ABCA13: variants seen among roughly 807,000 people sequenced by gnomAD.
ABCA13 encodes ATP-binding cassette sub-family A member 13.
ABCA13 carries 476 observed loss-of-function variants against 478.7 expected under a neutral mutation model. That is an observed-to-expected ratio of 0.99 (90% CI 0.92 to 1.07). The LOEUF (loss-of-function observed/expected upper bound fraction) is 1.07. ABCA13 is among the 50% of genes least tolerant of loss of function. The pLI is 0.00. For missense variants in ABCA13, 6,060 were observed against 5,910.6 expected (o/e 1.03, Z -0.83); for synonymous variants, 2,252 against 2,158.9 (o/e 1.04, Z -1.20).
At chr7:48,497,101 C>T (rs1157789772) in intron 48 of ABCA13, among the ~76,000 whole-genome samples, 3 of 151,914 alleles carry the variant, frequency 2.0e-5, no homozygotes, top group Non-Finnish European at 4.4e-5. Flanking sequence ...TCCCAGAGGT[C>T]TCTTTCCTGA....
At chr7:48,441,008 T>G (rs1823513534) in intron 42 of ABCA13, among the ~76,000 whole-genome samples, 1 of 152,188 alleles carries the variant, frequency 6.6e-6, no homozygotes, top group Non-Finnish European at 1.5e-5. Context: ...GTATATTATT[T>G]AAGAATCAAT....
chr7:48,535,676 GC>G (rs1159830533), intron 55 of ABCA13, among the ~76,000 whole-genome samples: 1 of 152,046 alleles, frequency 6.6e-6, no homozygotes, highest in African/African-American at 2.4e-5. Flanking sequence ...CTTTGGTGGG[GC>G]TTGCTGTGGT....
intron 55 of ABCA13, among the ~76,000 whole-genome samples, chr7:48,556,838 A>G (rs1179455085): frequency 6.6e-6 from 1 of 151,746 alleles, no homozygotes; most frequent in East Asian, 1.9e-4. Context: ...TACTCCTGCT[A>G]TGTTATTGTT....
At chr7:48,200,580 T>G (rs1247501825) in intron 3 of ABCA13, among the ~76,000 whole-genome samples, 1 of 152,114 alleles carries the variant, frequency 6.6e-6, no homozygotes, top group Non-Finnish European at 1.5e-5. Context: ...GAACGAAGAA[T>G]GAAATTCCTC....
chr7:48,526,104 T>A lies in ABCA13; in HGVS notation c.14244+1664T>A, dbSNP rs550340211. ...GGACAGATAACTTCTTTAGGGGTAA[T>A]TTTTGTACTGAAAAATATGTAAAAG... On this transcript the variant is annotated intron_variant, in intron 54 of 61. Transcript: ENST00000435803. Among the ~76,000 whole-genome samples the A allele has an allele frequency of 1.2e-4, 19 of 152,210 alleles. 1 individual carries two copies. In the East Asian group the frequency reaches 3.1e-3, roughly 25 times the overall value.
In ABCA13 at chr7:48,245,722, A is replaced by T; in HGVS notation, c.1491+110A>T. 5 of 1,431,896 alleles carry T rather than the reference A, an allele frequency of 3.5e-6. No homozygotes were observed. In the East Asian group the frequency reaches 1.2e-4, roughly 33 times the overall value. The allele number at this position is 1,431,896 out of a possible 1,614,324, so 88.7% of individuals were successfully genotyped here. ...TGAATTGTGCTAGCTAAAAAAGGGA[A>T]CAATATGCAGGTTTTTCAAAACTTT... On this transcript the variant is annotated intron_variant, in intron 12 of 61. Coordinates refer to ENST00000435803, the MANE Select transcript of ABCA13 (RefSeq NM_152701.5).
chr7:48,578,113 A>G (rs1329187455), intron 55 of ABCA13, among the ~76,000 whole-genome samples: 1 of 152,140 alleles, frequency 6.6e-6, no homozygotes, highest in Admixed American at 6.5e-5. Context: ...CCTTCAAGTG[A>G]TATACTAAAT....
At chr7:48,207,940 T>C (rs1329142637) in intron 3 of ABCA13, among the ~76,000 whole-genome samples, 4 of 152,148 alleles carry the variant, frequency 2.6e-5, no homozygotes, top group Non-Finnish European at 5.9e-5. Context: ...TTTCAGGTCT[T>C]AGATTTAAGT....
Position 48,466,864 on chromosome 7 carries a change from G to A in ABCA13, c.12816-92G>A, listed in dbSNP as rs1017307754. On this transcript the variant is annotated intron_variant, in intron 43 of 61. Coordinates refer to ENST00000435803, the MANE Select transcript of ABCA13 (RefSeq NM_152701.5). The stretch of plus-strand genomic sequence containing the variant: ...CATTAGATGGATCAGCCTGACTAGG[G>A]CACAATGTGAGGTCAGCAGCTGGTT... 8 of 1,198,924 alleles carry A rather than the reference G, an allele frequency of 6.7e-6. No homozygotes were observed. The East Asian group carries it at 1.6e-4, about 24-fold the overall frequency. The allele number at this position is 1,198,924 out of a possible 1,614,324, so 74.3% of individuals were successfully genotyped here. A position where few individuals can be genotyped will look rare whatever the true frequency, so the allele number is the denominator to read the frequency against.
intron 58 of ABCA13, among the ~76,000 whole-genome samples, chr7:48,606,831 G>C (rs912090389): frequency 2.0e-5 from 3 of 152,182 alleles, no homozygotes; most frequent in Non-Finnish European, 2.9e-5. Context: ...CCTTCCCCCA[G>C]GTGCTCTGTC....
intron 2 of ABCA13, among the ~76,000 whole-genome samples, chr7:48,197,584 G>A (rs748949007): frequency 2.6e-5 from 4 of 151,254 alleles, no homozygotes; most frequent in African/African-American, 4.8e-5. Flanking sequence ...GAAACGGGCC[G>A]GTAATCATAA....
chr7:48,201,488 G>A (rs13237959), intron 3 of ABCA13, among the ~76,000 whole-genome samples: 30,863 of 152,128 alleles, frequency 0.2, 3,383 homozygotes, highest in Middle Eastern at 0.26. Flanking sequence ...TTGGGAGGCT[G>A]AGGCGGGTGG....
intron 55 of ABCA13, among the ~76,000 whole-genome samples, chr7:48,531,346 C>A (rs1455698849): frequency 6.6e-6 from 1 of 152,100 alleles, no homozygotes; most frequent in African/African-American, 2.4e-5. Flanking sequence ...TTCCATTCGT[C>A]TATGTGCCTA....
chr7:48,555,930 T>A (rs67187623), intron 55 of ABCA13, among the ~76,000 whole-genome samples: 20,973 of 151,550 alleles, frequency 0.14, 1,809 homozygotes, highest in African/African-American at 0.23. Flanking sequence ...TTCTTTTTTG[T>A]TGTAGCCATT....
In ABCA13 at chr7:48,278,912, T is replaced by C. The variant is rs199658783; in HGVS notation, c.7718T>C (p.Ile2573Thr). 233 of 1,613,132 alleles carry C rather than the reference T, an allele frequency of 1.4e-4. No individual in the cohort carries two copies. The highest frequency in any genetic ancestry group is 1.8e-4 in the Non-Finnish European group (213 of 1,179,822). ...AGTGTTCAAAATCTTGTGAAAGAAA[T>C]AGCTACTTTAAAAAAAATAGATCAT... Reference protein sequence around the residue: ...QQSVQNLVKEIATLKKIDHFT... With the variant: ...QQSVQNLVKETATLKKIDHFT... The change falls in exon 18 of 62, where the codon ATA (isoleucine) becomes ACA (threonine). Residue 2573 changes from isoleucine (I) to threonine (T), a missense_variant. Ile to Thr is a moderately conservative substitution (Grantham distance 89). Around this residue, in one of 3 missense-constraint regions of ABCA13, gnomAD observed 4,423 missense variants for 4,309.1 expected, o/e 1.03. Coordinates refer to ENST00000435803, the MANE Select transcript of ABCA13 (RefSeq NM_152701.5).
At chr7:48,444,299 G>A (rs1374059012) in intron 42 of ABCA13, among the ~76,000 whole-genome samples, 1 of 152,114 alleles carries the variant, frequency 6.6e-6, no homozygotes, top group East Asian at 1.9e-4. Context: ...TTTCTCAAGA[G>A]TTGTGGAGAC....
chr7:48,408,545 G>T (rs1017888436), intron 39 of ABCA13, among the ~76,000 whole-genome samples: 1 of 152,126 alleles, frequency 6.6e-6, no homozygotes, highest in African/African-American at 2.4e-5. Context: ...TTGTGTCTAC[G>T]TTCCATAGTT....
At chr7:48,517,279 A>C (rs1207253350) in intron 52 of ABCA13, among the ~76,000 whole-genome samples, 1 of 152,188 alleles carries the variant, frequency 6.6e-6, no homozygotes, top group Non-Finnish European at 1.5e-5. Context: ...ACTACAAGAT[A>C]GAATGGGCCA....
At chr7:48,343,960 CT>C (rs2128964130) in intron 29 of ABCA13, among the ~76,000 whole-genome samples, 1 of 152,208 alleles carries the variant, frequency 6.6e-6, no homozygotes, top group East Asian at 1.9e-4. Context: ...GCTATTTTAA[CT>C]TTAGTTTATT....
Sources: allele counts gnomAD v4.1 joint callset (sites outside exome capture counted in the v4.1 genomes callset), GRCh38; gene constraint gnomAD v4.1.1; regional missense constraint gnomAD v4.1.1; transcripts MANE v1.5; gene names NCBI Gene and HGNC (gene_info 2026-07-23, HGNC 2026-07-21).